TGFBR3: variants seen among roughly 807,000 people sequenced by gnomAD.
TGFBR3 encodes transforming growth factor beta receptor type 3.
TGFBR3 carries 46 observed loss-of-function variants against 87.9 expected under a neutral mutation model. The observed-to-expected ratio is 0.52, with a 90% CI of 0.41 to 0.67. The LOEUF (loss-of-function observed/expected upper bound fraction) is 0.67, where lower values mean the gene tolerates loss of function less well. Among genes scored for constraint, TGFBR3 ranks in the 30% least tolerant of loss-of-function variants. The probability of loss-of-function intolerance (pLI) is 0.00; values close to 1 mark genes in which losing one functional copy is unlikely to be tolerated. For missense variants in TGFBR3, 866 were observed against 1,041.9 expected, an observed-to-expected ratio of 0.83 and a Z score of 2.32; for synonymous variants, 381 against 391.6, an observed-to-expected ratio of 0.97 and a Z score of 0.32.
chr1:91,872,496 T>C (rs2101243369), intron 1 of TGFBR3, among the ~76,000 whole-genome samples: 1 of 152,342 alleles, frequency 6.6e-6, no homozygotes, highest in Middle Eastern at 3.4e-3. Flanking sequence ...TTAAGATTTC[T>C]CTTCAAAGAA....
rs1209653733 is a variant in TGFBR3, at chr1:91,769,645, G to GT, written c.247-10896dup. 2.9e-3 allele frequency among the ~76,000 whole-genome samples: 412 copies of GT among 144,534 alleles called. 1 individual carries two copies. Among genetic ancestry groups the GT allele is most frequent in the Middle Eastern group, 3.5e-3 (1 of 286 alleles). 94.8% of individuals were successfully genotyped at this position (144,534 alleles called of 152,430 possible). A position where few individuals can be genotyped will look rare whatever the true frequency, so the allele number is the denominator to read the frequency against. On this transcript the variant is annotated intron_variant, in intron 3 of 16. Coordinates refer to ENST00000212355, the MANE Select transcript of TGFBR3 (RefSeq NM_003243.5). ...AGGGAGCTGTGTTTTTGTTTTTTTT[G>GT]TTTTTTTTTTTAATACAACACATCC...
intron 2 of TGFBR3, among the ~76,000 whole-genome samples, chr1:91,835,806 T>C (rs943816933): frequency 3.4e-5 from 4 of 116,298 alleles, no homozygotes; most frequent in Non-Finnish European, 6.6e-5. Context: ...CCAGTCTGGG[T>C]GACAGAGCGA....
chr1:91,771,983 CAAG>C (rs1557702200), intron 3 of TGFBR3, among the ~76,000 whole-genome samples: 1 of 151,816 alleles, frequency 6.6e-6, no homozygotes, highest in African/African-American at 2.4e-5. Flanking sequence ...GGGGTCCAGA[CAAG>C]GAGAAGGGCA....
chr1:91,749,811 T>C (rs976141863), intron 4 of TGFBR3, among the ~76,000 whole-genome samples: 3 of 152,234 alleles, frequency 2.0e-5, no homozygotes, highest in Non-Finnish European at 2.9e-5. Context: ...TCCTATTACA[T>C]GGAAATAAAA....
At chr1:91,885,632 C>T (rs1183885870) in intron 1 of TGFBR3, among the ~76,000 whole-genome samples, 2 of 152,166 alleles carry the variant, frequency 1.3e-5, no homozygotes, top group African/African-American at 4.8e-5. Flanking sequence ...CTGCGCATCG[C>T]CGGGGGCACT....
chr1:91,892,980 T>C (rs1339869356), intron 2 of TGFBR3, among the ~76,000 whole-genome samples: 1 of 152,192 alleles, frequency 6.6e-6, no homozygotes, highest in Non-Finnish European at 1.5e-5. Context: ...TGATACTCAG[T>C]TAACACACTA....
intron 3 of TGFBR3, among the ~76,000 whole-genome samples, chr1:91,790,091 C>T (rs551760557): frequency 1.2e-4 from 18 of 151,832 alleles, no homozygotes; most frequent in African/African-American, 4.4e-4. Context: ...TGGGGAGAGA[C>T]AGAGAAAAAA....
chr1:91,849,604 A>G (rs560524598), intron 2 of TGFBR3, among the ~76,000 whole-genome samples: 1 of 152,320 alleles, frequency 6.6e-6, no homozygotes, highest in East Asian at 1.9e-4. Context: ...ACCTGCTGAT[A>G]TATGCATTTT....
chr1:91,698,799 G>A (rs990048478), intron 14 of TGFBR3, among the ~76,000 whole-genome samples: 1 of 152,094 alleles, frequency 6.6e-6, no homozygotes, highest in Non-Finnish European at 1.5e-5. Context: ...GAGCCACTGC[G>A]CCCAGCCTTC....
At chr1:91,841,107 G>A (rs1212136157) in intron 2 of TGFBR3, among the ~76,000 whole-genome samples, 8 of 152,218 alleles carry the variant, frequency 5.3e-5, no homozygotes, top group Non-Finnish European at 7.4e-5. Flanking sequence ...CCCCGCGCCC[G>A]GCTCACTTTG....
At chr1:91,764,511 G>A (rs906975706) in intron 3 of TGFBR3, among the ~76,000 whole-genome samples, 1 of 151,926 alleles carries the variant, frequency 6.6e-6, no homozygotes, top group Non-Finnish European at 1.5e-5. Context: ...GGGGTCCTGG[G>A]AGCCGTTGCA....
intron 1 of TGFBR3, among the ~76,000 whole-genome samples, chr1:91,902,308 T>C (rs1466475478): frequency 1.3e-5 from 2 of 149,826 alleles, no homozygotes; most frequent in Non-Finnish European, 3.0e-5. Flanking sequence ...TGACAGGGTC[T>C]CACTCTGTCA....
rs140656955 is a variant in TGFBR3 at position 91,811,107 on chromosome 1, T to C, written c.62-13636A>G. Among the ~76,000 whole-genome samples, 42 of 152,216 alleles carry C rather than the reference T, an allele frequency of 2.8e-4. 1 individual carries two copies. The South Asian group carries it at 5.6e-3, about 20-fold the overall frequency. On this transcript the variant is annotated intron_variant, in intron 2 of 16. Transcript: ENST00000212355. ...GGGAGGATTGTTTGAGCCCATAAGT[T>C]TGAGACCAGCCTGGGCAAGAGAGTG... is the stretch of plus-strand genomic sequence containing the variant.
chr1:91,772,164 A>C (rs1209873326), intron 3 of TGFBR3, among the ~76,000 whole-genome samples: 3 of 152,204 alleles, frequency 2.0e-5, no homozygotes, highest in African/African-American at 7.2e-5. Flanking sequence ...TGCTTTTCAG[A>C]GACATAGACC....
At chr1:91,691,703 C>T (rs1557659134) in intron 16 of TGFBR3, among the ~76,000 whole-genome samples, 1 of 152,136 alleles carries the variant, frequency 6.6e-6, no homozygotes, top group African/African-American at 2.4e-5. Flanking sequence ...CGAAGAAGAT[C>T]ATAGGAAGAC....
At chr1:91,808,841 C>A (rs569149426) in intron 2 of TGFBR3, among the ~76,000 whole-genome samples, 2 of 152,312 alleles carry the variant, frequency 1.3e-5, no homozygotes, top group East Asian at 3.9e-4. Context: ...CAGAAGGAGA[C>A]ACTGGCTACA....
intron 2 of TGFBR3, 63 bp downstream of exon 2, chr1:91,861,408 A>G (rs1678180144): frequency 7.0e-6 from 9 of 1,285,316 alleles, no homozygotes; most frequent in Non-Finnish European, 1.0e-5. Context: ...TCAACTAAAG[A>G]GACTGGGACA....
intron 10 of TGFBR3, among the ~76,000 whole-genome samples, chr1:91,718,720 T>C (rs1270067903): frequency 2.6e-5 from 4 of 152,224 alleles, no homozygotes; most frequent in Admixed American, 6.5e-5. Flanking sequence ...CGGTTTATCA[T>C]TGGGGGAAAT....
intron 2 of TGFBR3, among the ~76,000 whole-genome samples, chr1:91,806,038 A>G (rs918842015): frequency 2.0e-5 from 3 of 152,180 alleles, no homozygotes; most frequent in African/African-American, 4.8e-5. Context: ...ATTCATATCT[A>G]CTAAAATAAA....
Sources: gnomAD v4.1 joint callset for allele counts (sites outside exome capture counted in the v4.1 genomes callset) on GRCh38, gnomAD v4.1.1 for gene constraint, MANE v1.5 for transcripts, NCBI Gene and HGNC (gene_info 2026-07-23, HGNC 2026-07-21) for gene names.